The following EHBP1 variants were observed in gnomAD, a reference collection of about 807,000 sequenced individuals.
EHBP1 encodes the protein EH domain binding protein 1.
Under a neutral mutation model 144.0 loss-of-function variants are expected in EHBP1, and 55 were observed. The ratio of observed to expected loss-of-function variants is 0.38; its 90% confidence interval spans 0.31 to 0.48. The LOEUF is 0.48. EHBP1 is among the 20% of genes least tolerant of loss of function. The probability of loss-of-function intolerance (pLI) is 0.98; values close to 1 mark genes in which losing one functional copy is unlikely to be tolerated. For missense variants in EHBP1, 1,200 were observed against 1,364.2 expected (o/e 0.88, Z 1.90); for synonymous variants, 469 against 472.7 (o/e 0.99, Z 0.10).
intron 19 of EHBP1, among the ~76,000 whole-genome samples, chr2:63,025,959 A>G (rs1026728345): frequency 7.2e-5 from 11 of 152,202 alleles, no homozygotes; most frequent in Non-Finnish European, 1.3e-4. Context: ...AGCTGCTTTA[A>G]GAAAAGAAAA....
At chr2:62,680,653 A>T (rs2033480226) in intron 1 of EHBP1, among the ~76,000 whole-genome samples, 1 of 128,370 alleles carries the variant, frequency 7.8e-6, no homozygotes, top group South Asian at 2.4e-4. Flanking sequence ...TAATAGTCAG[A>T]AATATGGGTT....
intron 14 of EHBP1, among the ~76,000 whole-genome samples, chr2:62,961,649 CAG>C (rs1270163259): frequency 6.6e-6 from 1 of 152,154 alleles, no homozygotes; most frequent in Non-Finnish European, 1.5e-5. Flanking sequence ...TATATAAGCA[CAG>C]ACTTGAAGAA....
At chr2:62,744,405 C>G (rs2038972049) in intron 2 of EHBP1, among the ~76,000 whole-genome samples, 1 of 152,002 alleles carries the variant, frequency 6.6e-6, no homozygotes, top group Non-Finnish European at 1.5e-5. Flanking sequence ...TTTAATGGTT[C>G]TTTTCTAGTG....
intron 15 of EHBP1, among the ~76,000 whole-genome samples, chr2:62,981,749 A>C (rs2058982185): frequency 6.6e-6 from 1 of 152,216 alleles, no homozygotes; most frequent in Non-Finnish European, 1.5e-5. Context: ...ACAAAGGACA[A>C]GTGAGGACTG....
intron 19 of EHBP1, among the ~76,000 whole-genome samples, chr2:63,026,322 G>C (rs1178779088): frequency 6.6e-6 from 1 of 151,310 alleles, no homozygotes; most frequent in Non-Finnish European, 1.5e-5. Context: ...GTGTGTGTGT[G>C]TGTGTGTGTG....
chr2:62,847,462 C>T (rs1472831817), intron 7 of EHBP1, among the ~76,000 whole-genome samples: 1 of 151,976 alleles, frequency 6.6e-6, no homozygotes, highest in East Asian at 1.9e-4. Context: ...TAACAGATGA[C>T]ACAGAAAGCA....
chr2:62,785,312 A>G (rs1051861487), intron 5 of EHBP1, among the ~76,000 whole-genome samples: 1 of 152,324 alleles, frequency 6.6e-6, no homozygotes, highest in Non-Finnish European at 1.5e-5. Flanking sequence ...AAACTGAAGG[A>G]CTTGAGATCA....
In EHBP1 at chr2:62,789,344, A is replaced by G. The variant is rs560988019; in HGVS notation, c.312+17952A>G. On this transcript the variant is annotated intron_variant, in intron 5 of 22. Coordinates refer to ENST00000431489, the MANE Select transcript of EHBP1 (RefSeq NM_001142616.3). ...TTGCTTCATCTATTTACGTAATTACATCTGCTGACGTTTTAATTTAAATGC... is the reference window on the plus strand; with the variant it reads ...TTGCTTCATCTATTTACGTAATTACGTCTGCTGACGTTTTAATTTAAATGC... Among the ~76,000 whole-genome samples the G allele has an allele frequency of 6.6e-5, 10 of 152,336 alleles. 1 individual carries two copies. Among genetic ancestry groups the G allele is most frequent in the Admixed American group, 3.3e-4 (5 of 15,290 alleles).
chr2:62,938,546 C>T (rs2056536387), intron 10 of EHBP1, among the ~76,000 whole-genome samples: 1 of 152,144 alleles, frequency 6.6e-6, no homozygotes, highest in Non-Finnish European at 1.5e-5. Context: ...AGCTTTATTA[C>T]CGTTCACATG....
chr2:62,830,166 A>ACACACC, intron 6 of EHBP1, among the ~76,000 whole-genome samples: 1 of 93,800 alleles, frequency 1.1e-5, no homozygotes, highest in Non-Finnish European at 2.2e-5. Context: ...ACACACACAC[A>ACACACC]CACACACACA....
chr2:62,723,689 T>A (rs1399591677), intron 2 of EHBP1, among the ~76,000 whole-genome samples: 1 of 152,220 alleles, frequency 6.6e-6, no homozygotes, highest in Non-Finnish European at 1.5e-5. Context: ...ATTAATTTCC[T>A]CAGCATTTCC....
In EHBP1 at chr2:62,943,815, C is replaced by G; in HGVS notation, c.1378C>G (p.Leu460Val). 6.2e-7 allele frequency: 1 copy of G among 1,602,274 alleles called. No homozygotes were observed. Among genetic ancestry groups the G allele is most frequent in the South Asian group, 1.1e-5 (1 of 89,588 alleles). Reference sequence around the variant, plus strand: ...TTTCTCCCTCAGTGACTACAAGTCTCTGAATCCTCAAGATATTAAAGAGAA... The same window carrying G: ...TTTCTCCCTCAGTGACTACAAGTCTGTGAATCCTCAAGATATTAAAGAGAA... The part of the protein sequence containing the change: ...FRPDLIDYKS[L>V]NPQDIKENNK... The change falls in exon 12 of 23, where the codon CTG (leucine) becomes GTG (valine). Residue 460 changes from leucine to valine, a missense_variant. This residue lies in a region of EHBP1 where 94 missense variants were observed against 143.0 expected (regional missense o/e 0.66). Transcript: ENST00000431489.
At chr2:62,879,588 C>G (rs377475187) in intron 10 of EHBP1, among the ~76,000 whole-genome samples, 13 of 141,870 alleles carry the variant, frequency 9.2e-5, no homozygotes, top group South Asian at 2.2e-4. Context: ...CACACACACA[C>G]ACAGAGACAG....
At chr2:62,917,094 A>G (rs2054684471) in intron 10 of EHBP1, among the ~76,000 whole-genome samples, 1 of 152,184 alleles carries the variant, frequency 6.6e-6, no homozygotes, top group Admixed American at 6.5e-5. Context: ...AGTGTACTAC[A>G]CGACTAGGTT....
intron 10 of EHBP1, among the ~76,000 whole-genome samples, chr2:62,915,104 T>A (rs1311677351): frequency 2.0e-5 from 3 of 152,070 alleles, no homozygotes; most frequent in Non-Finnish European, 4.4e-5. Flanking sequence ...TCATTAATGT[T>A]TTTATATGGT....
At chr2:63,008,711 A>G (rs1338886493) in intron 19 of EHBP1, among the ~76,000 whole-genome samples, 1 of 150,946 alleles carries the variant, frequency 6.6e-6, no homozygotes, top group African/African-American at 2.4e-5. Flanking sequence ...AATTTTTTAA[A>G]TTATAACTGG....
intron 1 of EHBP1, among the ~76,000 whole-genome samples, chr2:62,691,287 C>G (rs1442973881): frequency 1.3e-5 from 2 of 152,194 alleles, no homozygotes; most frequent in Non-Finnish European, 1.5e-5. Flanking sequence ...TTGTGAGAGA[C>G]CCAGGCTTCT....
chr2:62,717,908 A>G (rs761665947), intron 2 of EHBP1, among the ~76,000 whole-genome samples: 3 of 152,152 alleles, frequency 2.0e-5, no homozygotes, highest in Non-Finnish European at 2.9e-5. Flanking sequence ...GAGAGGAGTT[A>G]GTTTGCTGCT....
intron 12 of EHBP1, among the ~76,000 whole-genome samples, chr2:62,947,665 C>T (rs2057140627): frequency 6.6e-6 from 1 of 152,158 alleles, no homozygotes; most frequent in Non-Finnish European, 1.5e-5. Context: ...AAAAATAATA[C>T]AATGCAGCCT....
Sources: allele counts gnomAD v4.1 joint callset (sites outside exome capture counted in the v4.1 genomes callset), GRCh38; gene constraint gnomAD v4.1.1; regional missense constraint gnomAD v4.1.1; transcripts MANE v1.5; gene names NCBI Gene and HGNC (gene_info 2026-07-23, HGNC 2026-07-21).